The following CSMD1 variants were observed in gnomAD, a reference collection of about 807,000 sequenced individuals.
The protein encoded by CSMD1 is CUB and sushi domain-containing protein 1.
Under a neutral mutation model 417.5 loss-of-function variants are expected in CSMD1, and 213 were observed. That is an observed-to-expected ratio of 0.51 (90% confidence interval 0.46 to 0.57). The LOEUF is 0.57. Among genes scored for constraint, CSMD1 ranks in the 20% least tolerant of loss-of-function variants. The pLI, the probability that CSMD1 is intolerant of heterozygous loss-of-function variation, is 0.00. For missense variants in CSMD1, 6,923 were observed against 4,529.7 expected, an observed-to-expected ratio of 1.53 and a Z score of -15.17; for synonymous variants, 2,862 against 1,736.8, an observed-to-expected ratio of 1.65 and a Z score of -16.11.
chr8:4,227,693 C>A (rs949899961), intron 3 of CSMD1, among the ~76,000 whole-genome samples: 1 of 151,988 alleles, frequency 6.6e-6, no homozygotes, highest in African/African-American at 2.4e-5. Flanking sequence ...CTACATTAAA[C>A]CCCACACCTG....
intron 2 of CSMD1, among the ~76,000 whole-genome samples, chr8:4,461,712 A>G (rs1451267746): frequency 6.7e-6 from 1 of 149,218 alleles, no homozygotes; most frequent in Non-Finnish European, 1.5e-5. Context: ...CACCATAGCC[A>G]GCTCATCTTA....
At chr8:3,153,775 G>A (rs1187342293) in intron 39 of CSMD1, among the ~76,000 whole-genome samples, 1 of 152,164 alleles carries the variant, frequency 6.6e-6, no homozygotes, top group Admixed American at 6.5e-5. Flanking sequence ...CTCTCTGTGT[G>A]ATGGGAAACT....
At chr8:3,153,682 G>T (rs1259758825) in intron 39 of CSMD1, among the ~76,000 whole-genome samples, 3 of 152,218 alleles carry the variant, frequency 2.0e-5, no homozygotes, top group Non-Finnish European at 4.4e-5. Context: ...TGAGGACTGA[G>T]GCAGCCCTGC....
chr8:4,390,094 A>G lies in CSMD1; in HGVS notation c.415+29859T>C, dbSNP rs74536186. Among the ~76,000 whole-genome samples, 1,217 of 152,312 alleles carry G rather than the reference A, an allele frequency of 8.0e-3. 15 individuals carry two copies. The highest frequency in any genetic ancestry group is 0.028 in the African/African-American group (1,157 of 41,562). On this transcript the variant is annotated intron_variant, in intron 3 of 69. Transcript: ENST00000635120. ...AATTACCACTTCTATGCATTCTCCTAAACATTTGGTATTCCATAATTTTTA... is the reference window on the plus strand; with the variant it reads ...AATTACCACTTCTATGCATTCTCCTGAACATTTGGTATTCCATAATTTTTA...
intron 7 of CSMD1, among the ~76,000 whole-genome samples, chr8:3,675,339 G>A (rs945930432): frequency 6.6e-6 from 1 of 152,154 alleles, no homozygotes; most frequent in African/African-American, 2.4e-5. Context: ...ACATGTCATT[G>A]CTATCCATGT....
At chr8:3,293,687 T>A (rs962027683) in intron 25 of CSMD1, among the ~76,000 whole-genome samples, 2 of 152,230 alleles carry the variant, frequency 1.3e-5, no homozygotes, top group African/African-American at 4.8e-5. Flanking sequence ...TCAGGTCCTT[T>A]AAGGACTTCT....
chr8:4,089,829 T>A (rs1800623101), intron 3 of CSMD1, among the ~76,000 whole-genome samples: 1 of 152,108 alleles, frequency 6.6e-6, no homozygotes, highest in African/African-American at 2.4e-5. Context: ...GGGTGAGAGC[T>A]GAGGCTTCTG....
At chr8:3,160,217 G>A (rs777209252) in intron 38 of CSMD1, among the ~76,000 whole-genome samples, 37 of 152,122 alleles carry the variant, frequency 2.4e-4, no homozygotes, top group Non-Finnish European at 5.0e-4. Flanking sequence ...TCCGCCTCCT[G>A]TTTCAAGCGA....
chr8:4,433,240 T>A (rs1287069545), intron 2 of CSMD1, among the ~76,000 whole-genome samples: 1 of 152,130 alleles, frequency 6.6e-6, no homozygotes, highest in African/African-American at 2.4e-5. Context: ...GCATTATAAA[T>A]GTACTACATT....
chr8:4,283,145 T>C (rs556134293), intron 3 of CSMD1, among the ~76,000 whole-genome samples: 1 of 152,352 alleles, frequency 6.6e-6, no homozygotes, highest in East Asian at 1.9e-4. Context: ...CACTCAATTG[T>C]TGGTTTTGTG....
intron 5 of CSMD1, among the ~76,000 whole-genome samples, chr8:3,855,501 C>T (rs1049285269): frequency 1.3e-5 from 2 of 152,120 alleles, no homozygotes; most frequent in Non-Finnish European, 2.9e-5. Flanking sequence ...GCTCATATGT[C>T]AAAAAACTTG....
At chr8:3,339,892 G>T (rs552235185) in intron 23 of CSMD1, among the ~76,000 whole-genome samples, 1 of 152,162 alleles carries the variant, frequency 6.6e-6, no homozygotes, top group African/African-American at 2.4e-5. Context: ...TATGAACATA[G>T]ACAAGTCTGT....
intron 41 of CSMD1, among the ~76,000 whole-genome samples, chr8:3,139,627 C>A (rs7008336): frequency 2.0e-5 from 3 of 152,006 alleles, no homozygotes; most frequent in Non-Finnish European, 4.4e-5. Flanking sequence ...TTTTCTGGAA[C>A]TATGTTTTAG....
chr8:2,973,619 G>C (rs1325591630), intron 56 of CSMD1, among the ~76,000 whole-genome samples: 2 of 150,390 alleles, frequency 1.3e-5, no homozygotes, highest in African/African-American at 4.9e-5. Context: ...AAGGTAGGTA[G>C]AGAGCAAAAG....
chr8:3,755,421 T>C (rs7011043), intron 5 of CSMD1, among the ~76,000 whole-genome samples: 51,243 of 152,164 alleles, frequency 0.34, 8,824 homozygotes, highest in Non-Finnish European at 0.37. Flanking sequence ...TTATTTTGCA[T>C]CTTGGTAACA....
chr8:3,599,692 T>C (rs1801267815), intron 8 of CSMD1, among the ~76,000 whole-genome samples: 1 of 152,220 alleles, frequency 6.6e-6, no homozygotes, highest in African/African-American at 2.4e-5. Flanking sequence ...TCCATTTTCC[T>C]TTGAGTATCT....
intron 3 of CSMD1, among the ~76,000 whole-genome samples, chr8:4,120,338 G>A (rs1369466820): frequency 1.3e-5 from 2 of 152,018 alleles, no homozygotes; most frequent in African/African-American, 2.4e-5. Context: ...TTAGCTATAA[G>A]ATAAGATTAT....
intron 12 of CSMD1, among the ~76,000 whole-genome samples, chr8:3,448,392 A>G (rs1585179634): frequency 7.5e-5 from 1 of 13,288 alleles, no homozygotes; most frequent in African/African-American, 4.4e-4. Flanking sequence ...AGGAGGGAGG[A>G]GGAAGGGAAG....
At chr8:4,952,886 A>C (rs1808847038) in intron 1 of CSMD1, among the ~76,000 whole-genome samples, 1 of 152,132 alleles carries the variant, frequency 6.6e-6, no homozygotes, top group Non-Finnish European at 1.5e-5. Flanking sequence ...TTGTTAACAA[A>C]TGTTTTTGAA....
Sources: gnomAD v4.1 joint callset for allele counts (sites outside exome capture counted in the v4.1 genomes callset) on GRCh38, gnomAD v4.1.1 for gene constraint, MANE v1.5 for transcripts, NCBI Gene and HGNC (gene_info 2026-07-23, HGNC 2026-07-21) for gene names.